LINGO2: variants seen among roughly 807,000 people sequenced by gnomAD.
LINGO2 encodes leucine rich repeat and Ig domain containing 2.
LINGO2 carries 14 observed loss-of-function variants against 30.6 expected under a neutral mutation model. The ratio of observed to expected loss-of-function variants is 0.46; its 90% confidence interval spans 0.30 to 0.72. LINGO2 has a LOEUF of 0.72. LINGO2 is among the 30% of genes least tolerant of loss of function. The pLI is 0.07. For missense variants in LINGO2, 729 were observed against 751.7 expected, an observed-to-expected ratio of 0.97 and a Z score of 0.35; for synonymous variants, 317 against 288.5, an observed-to-expected ratio of 1.10 and a Z score of -1.00.
At position 27,991,872 on chromosome 9, in the gene LINGO2, C is replaced by T. The variant is rs534058405; in HGVS notation, c.-36+20483G>A. On this transcript the variant is annotated intron_variant, in intron 5 of 5. Transcript: ENST00000379992. ...ATATGTTTCAGTACCTGTCACTTTT[C>T]AGCTGAGCTGCCTTCCATTTTTTAA... is the stretch of plus-strand genomic sequence containing the variant. Among the ~76,000 whole-genome samples, 4 of 152,194 alleles carry T rather than the reference C, an allele frequency of 2.6e-5. No individual in the cohort carries two copies. In the East Asian group the frequency reaches 7.8e-4, roughly 30 times the overall value.
intron 4 of LINGO2, among the ~76,000 whole-genome samples, chr9:28,091,870 C>G (rs1326813600): frequency 5.3e-5 from 8 of 152,044 alleles, no homozygotes; most frequent in African/African-American, 1.9e-4. Context: ...ACAACCCCAT[C>G]AAAAAGTGGG....
the LINGO2 span, among the ~76,000 whole-genome samples, chr9:28,877,093 G>T: frequency 6.9e-6 from 1 of 144,864 alleles, no homozygotes; most frequent in Non-Finnish European, 1.5e-5. Context: ...CTTTTTGATG[G>T]GGTTGTGTTT....
At chr9:28,953,403 C>A in the LINGO2 span, among the ~76,000 whole-genome samples, 1 of 151,834 alleles carries the variant, frequency 6.6e-6, no homozygotes, top group African/African-American at 2.4e-5. Context: ...GAAATGAAAG[C>A]TGAGAAAAAC....
chr9:28,744,404 C>T, the LINGO2 span, among the ~76,000 whole-genome samples: 1 of 151,934 alleles, frequency 6.6e-6, no homozygotes, highest in Non-Finnish European at 1.5e-5. Flanking sequence ...TTGCCTGTTT[C>T]CTTTCACAGC....
the LINGO2 span, among the ~76,000 whole-genome samples, chr9:28,994,499 A>G: frequency 1.3e-5 from 2 of 151,458 alleles, no homozygotes; most frequent in East Asian, 3.9e-4. Context: ...GACTTTCTTC[A>G]CAGAATTGGA....
At chr9:29,006,820 T>A in the LINGO2 span, among the ~76,000 whole-genome samples, 7 of 152,020 alleles carry the variant, frequency 4.6e-5, no homozygotes, top group Admixed American at 1.3e-4. Context: ...ACGAAAAATC[T>A]CAGCTGTAAA....
upstream of LINGO2, among the ~76,000 whole-genome samples, chr9:28,675,154 G>A (rs60887885): frequency 0.025 from 3,867 of 152,082 alleles, 168 homozygotes; most frequent in African/African-American, 0.086. Flanking sequence ...TGAGAAAGGC[G>A]GTATTATCCC....
the LINGO2 span, among the ~76,000 whole-genome samples, chr9:29,105,447 C>T: frequency 6.6e-6 from 1 of 152,150 alleles, no homozygotes; most frequent in East Asian, 1.9e-4. Context: ...AAATGTGGCT[C>T]ATTGACAAAT....
At chr9:28,054,801 T>G (rs1260207653) in intron 4 of LINGO2, among the ~76,000 whole-genome samples, 1 of 152,140 alleles carries the variant, frequency 6.6e-6, no homozygotes, top group Non-Finnish European at 1.5e-5. Flanking sequence ...ATTTTTAATT[T>G]TCAATATTTC....
At chr9:28,995,231 A>C in the LINGO2 span, among the ~76,000 whole-genome samples, 24 of 152,244 alleles carry the variant, frequency 1.6e-4, no homozygotes, top group Admixed American at 1.6e-3. Flanking sequence ...ACACTTCTCA[A>C]AAGAAGACAT....
the LINGO2 span, among the ~76,000 whole-genome samples, chr9:29,204,808 T>A: frequency 9.2e-5 from 14 of 152,200 alleles, no homozygotes; most frequent in African/African-American, 3.1e-4. Context: ...TTTCTCACCT[T>A]ATTTAAATGA....
At chr9:28,057,553 GTATATATATATACATATATATACACA>G (rs1351459970) in intron 4 of LINGO2, among the ~76,000 whole-genome samples, 5 of 83,670 alleles carry the variant, frequency 6.0e-5, no homozygotes, top group Non-Finnish European at 1.1e-4. Flanking sequence ...ATGTATATAA[GTATATATATATACATATATATACACA>G]TATATGTATA....
chr9:28,954,840 C>T, the LINGO2 span, among the ~76,000 whole-genome samples: 1 of 152,104 alleles, frequency 6.6e-6, no homozygotes, highest in Non-Finnish European at 1.5e-5. Context: ...TACCACTTTC[C>T]ACCTTCAGTA....
chr9:28,479,953 A>G (rs1178231494), intron 1 of LINGO2, among the ~76,000 whole-genome samples: 2 of 125,776 alleles, frequency 1.6e-5, no homozygotes, highest in East Asian at 4.7e-4. Context: ...ATATATATAT[A>G]TATGTACATT....
the LINGO2 span, among the ~76,000 whole-genome samples, chr9:29,014,334 G>A: frequency 6.6e-6 from 1 of 152,102 alleles, no homozygotes; most frequent in African/African-American, 2.4e-5. Flanking sequence ...CATGGGATCT[G>A]GCTAGATCAG....
At chr9:28,320,214 A>C (rs1223750573) in intron 3 of LINGO2, among the ~76,000 whole-genome samples, 1 of 152,128 alleles carries the variant, frequency 6.6e-6, no homozygotes, top group African/African-American at 2.4e-5. Flanking sequence ...AGCAGCAGCC[A>C]GTGAGATTAA....
the LINGO2 span, among the ~76,000 whole-genome samples, chr9:28,733,838 T>C: frequency 6.6e-6 from 1 of 152,100 alleles, no homozygotes; most frequent in Non-Finnish European, 1.5e-5. Flanking sequence ...CTATTCTTCA[T>C]TGGCCAAGAA....
chr9:28,202,011 T>A (rs1399125867), intron 4 of LINGO2, among the ~76,000 whole-genome samples: 1 of 152,074 alleles, frequency 6.6e-6, no homozygotes, highest in African/African-American at 2.4e-5. Flanking sequence ...CCTCCCACAG[T>A]TTGGAGGTTT....
intron 1 of LINGO2, among the ~76,000 whole-genome samples, chr9:28,506,505 C>CATATATATATATATAT (rs773033942): frequency 1.2e-5 from 1 of 84,428 alleles, no homozygotes; most frequent in East Asian, 3.5e-4. Context: ...CACACACAGA[C>CATATATATATATATAT]ATATATATAT....
Sources: gnomAD v4.1 joint callset for allele counts (sites outside exome capture counted in the v4.1 genomes callset) on GRCh38, gnomAD v4.1.1 for gene constraint, MANE v1.5 for transcripts, NCBI Gene and HGNC (gene_info 2026-07-23, HGNC 2026-07-21) for gene names.